The following GRHL2 variants were observed in gnomAD, a reference collection of about 807,000 sequenced individuals.
GRHL2 encodes the protein grainyhead like transcription factor 2, also known as grainyhead-like protein 2 homolog.
Under a neutral mutation model 83.8 loss-of-function variants are expected in GRHL2, and 21 were observed. The observed-to-expected ratio is 0.25, with a 90% CI of 0.18 to 0.36. The LOEUF is 0.36. GRHL2 is among the 10% of genes least tolerant of loss of function. The pLI, the probability that GRHL2 is intolerant of heterozygous loss-of-function variation, is 1.00. For synonymous variants in GRHL2, 280 were observed against 278.9 expected, an observed-to-expected ratio of 1.00 and a Z score of -0.04; for missense variants, 623 against 781.8, an observed-to-expected ratio of 0.80 and a Z score of 2.42.
intron 9 of GRHL2, among the ~76,000 whole-genome samples, chr8:101,626,352 G>C (rs1344884405): frequency 6.6e-6 from 1 of 151,996 alleles, no homozygotes; most frequent in Non-Finnish European, 1.5e-5. Context: ...TTGGTATTAA[G>C]ATACTTCTAT....
chr8:101,667,100 C>T lies in GRHL2; in HGVS notation c.*397C>T, dbSNP rs1005373682. ...AAAAATTCCCATCCCTTCTCTCTCA[C>T]CCCTCCATATCTATCTCCCGAGTGG... On this transcript the variant is annotated 3_prime_UTR_variant, in exon 16 of 16. Coordinates refer to ENST00000646743, the MANE Select transcript of GRHL2 (RefSeq NM_024915.4). 1.3e-5 allele frequency: 4 copies of T among 300,510 alleles called. No individual in the cohort carries two copies. The highest frequency in any genetic ancestry group is 4.1e-5 in the Admixed American group (1 of 24,280). The allele number at this position is 300,510 out of a possible 1,614,324, so 18.6% of individuals were successfully genotyped here.
At chr8:101,559,351 T>TGCAAAAAAAAAAAAAAAAAAAAAAA in intron 4 of GRHL2, among the ~76,000 whole-genome samples, 1 of 19,232 alleles carries the variant, frequency 5.2e-5, no homozygotes, top group East Asian at 1.6e-3. Flanking sequence ...CTACTAAAAA[T>TGCAAAAAAAAAAAAAAAAAAAAAAA]ACAAAAAAAA....
At chr8:101,513,551 T>C (rs893092285) in intron 1 of GRHL2, among the ~76,000 whole-genome samples, 10 of 129,960 alleles carry the variant, frequency 7.7e-5, no homozygotes, top group Non-Finnish European at 1.4e-4. Flanking sequence ...CTGGAGTGCA[T>C]TGGCTCGATC....
rs536811057 is a variant in GRHL2, at chr8:101,668,543, C to T, written c.*1840C>T. 1 of 152,976 alleles carries T rather than the reference C, an allele frequency of 6.5e-6. No individual in the cohort carries two copies. Among genetic ancestry groups the T allele is most frequent in the East Asian group, 1.9e-4 (1 of 5,178 alleles). 9.5% of individuals were successfully genotyped at this position (152,976 alleles called of 1,614,324 possible). A position where few individuals can be genotyped will look rare whatever the true frequency, so the allele number is the denominator to read the frequency against. ...TGTGTGTCCTCTGGGCATGTTAACC[C>T]TTCTGTGGGGCCAAAGGTTTGCATC... On this transcript the variant is annotated 3_prime_UTR_variant, in exon 16 of 16. Coordinates refer to ENST00000646743, the MANE Select transcript of GRHL2 (RefSeq NM_024915.4).
At position 101,666,825 on chromosome 8, in the gene GRHL2, C is replaced by A. The variant is rs1418764384; in HGVS notation, c.*122C>A. The A allele has an allele frequency of 2.7e-6, 2 of 730,460 alleles. No individual in the cohort carries two copies. Among genetic ancestry groups the A allele is most frequent in the Non-Finnish European group, 5.0e-6 (2 of 400,310 alleles). The allele number at this position is 730,460 out of a possible 1,614,324, so 45.2% of individuals were successfully genotyped here. A position where few individuals can be genotyped will look rare whatever the true frequency, so the allele number is the denominator to read the frequency against. The stretch of plus-strand genomic sequence containing the variant: ...CCATCTCACAACTGCTGTTACAAGA[C>A]CGTGCTGGGGAGTGGGGCAAGGGAC... On this transcript the variant is annotated 3_prime_UTR_variant, in exon 16 of 16. Coordinates refer to ENST00000646743, the MANE Select transcript of GRHL2 (RefSeq NM_024915.4).
chr8:101,614,881 A>G (rs1233303323), intron 8 of GRHL2, among the ~76,000 whole-genome samples: 2 of 152,208 alleles, frequency 1.3e-5, no homozygotes, highest in South Asian at 2.1e-4. Flanking sequence ...GATTGATACC[A>G]TCAAGGTACT....
intron 6 of GRHL2, among the ~76,000 whole-genome samples, chr8:101,575,825 T>G (rs1283929340): frequency 6.6e-6 from 1 of 152,234 alleles, no homozygotes; most frequent in Non-Finnish European, 1.5e-5. Flanking sequence ...GAGGGTAGAA[T>G]GAAAAGCTGG....
intron 14 of GRHL2, among the ~76,000 whole-genome samples, chr8:101,652,571 TGTG>T (rs1563627604): frequency 2.4e-5 from 2 of 81,968 alleles, no homozygotes; most frequent in East Asian, 3.5e-4. Flanking sequence ...GTGGTGTGTG[TGTG>T]GTGTGTGTGG....
chr8:101,586,463 G>T (rs1812173886), intron 7 of GRHL2, among the ~76,000 whole-genome samples: 1 of 152,082 alleles, frequency 6.6e-6, no homozygotes, highest in African/African-American at 2.4e-5. Flanking sequence ...CACACCTTGA[G>T]ACCTTGTTCC....
intron 14 of GRHL2, among the ~76,000 whole-genome samples, chr8:101,664,092 T>A (rs1813988445): frequency 6.6e-6 from 1 of 152,218 alleles, no homozygotes; most frequent in African/African-American, 2.4e-5. Context: ...AAATCTTTGA[T>A]CTGTATCAAA....
At chr8:101,640,957 T>C (rs1329365645) in intron 12 of GRHL2, among the ~76,000 whole-genome samples, 1 of 152,196 alleles carries the variant, frequency 6.6e-6, no homozygotes, top group Non-Finnish European at 1.5e-5. Context: ...TCAAGTCTTC[T>C]TGGCTGGAAC....
At chr8:101,586,065 CT>C (rs67985027) in intron 7 of GRHL2, among the ~76,000 whole-genome samples, 60,263 of 94,786 alleles carry the variant, frequency 0.64, 18,213 homozygotes, top group Middle Eastern at 0.74. Context: ...CCTCATGTTT[CT>C]TTTTTTTTTT....
chr8:101,680,775 C>G, the GRHL2 span, among the ~76,000 whole-genome samples: 1 of 127,450 alleles, frequency 7.8e-6, no homozygotes, highest in African/African-American at 3.2e-5. Context: ...AAGAATCTCA[C>G]TCAAAGCCGC....
At chr8:101,627,754 A>C (rs1421801828) in intron 9 of GRHL2, among the ~76,000 whole-genome samples, 2 of 152,050 alleles carry the variant, frequency 1.3e-5, no homozygotes, top group African/African-American at 4.8e-5. Context: ...TAAAAGTGCT[A>C]CTCCAGTGAA....
At chr8:101,653,615 C>T (rs1401840775) in intron 14 of GRHL2, among the ~76,000 whole-genome samples, 1 of 152,024 alleles carries the variant, frequency 6.6e-6, no homozygotes, top group East Asian at 1.9e-4. Context: ...TGCTGGCATG[C>T]GCTGTAGTCC....
chr8:101,667,172 A>G lies in GRHL2; in HGVS notation c.*469A>G, dbSNP rs1814087543. 9.6e-6 allele frequency: 2 copies of G among 208,480 alleles called. No homozygotes were observed. Among genetic ancestry groups the G allele is most frequent in the African/African-American group, 2.3e-5 (1 of 44,436 alleles). 12.9% of individuals were successfully genotyped at this position (208,480 alleles called of 1,614,324 possible). A position where few individuals can be genotyped will look rare whatever the true frequency, so the allele number is the denominator to read the frequency against. On this transcript the variant is annotated 3_prime_UTR_variant, in exon 16 of 16. Transcript: ENST00000646743. ...TGGGTGCAGTAGTTATAGGTGGGGCAAGAGGTGGATGCCCACTTTCTGGTC... is the reference window on the plus strand; with the variant it reads ...TGGGTGCAGTAGTTATAGGTGGGGCGAGAGGTGGATGCCCACTTTCTGGTC...
intron 9 of GRHL2, among the ~76,000 whole-genome samples, chr8:101,625,621 TA>T (rs1412157397): frequency 6.6e-6 from 1 of 152,078 alleles, no homozygotes; most frequent in Non-Finnish European, 1.5e-5. Flanking sequence ...GGCAAGGAGA[TA>T]AATGGTTGGG....
At chr8:101,627,821 T>C (rs958211422) in intron 9 of GRHL2, among the ~76,000 whole-genome samples, 1 of 152,140 alleles carries the variant, frequency 6.6e-6, no homozygotes, top group Non-Finnish European at 1.5e-5. Flanking sequence ...AAAGTTTTAG[T>C]GGTCTGGATA....
At chr8:101,653,650 G>A (rs1813718952) in intron 14 of GRHL2, among the ~76,000 whole-genome samples, 1 of 152,028 alleles carries the variant, frequency 6.6e-6, no homozygotes, top group South Asian at 2.1e-4. Context: ...GCTGGGGCAA[G>A]AGAATCACTT....
Sources: allele counts gnomAD v4.1 joint callset (sites outside exome capture counted in the v4.1 genomes callset), GRCh38; gene constraint gnomAD v4.1.1; transcripts MANE v1.5; gene names NCBI Gene and HGNC (gene_info 2026-07-23, HGNC 2026-07-21).